The following PCGF3 variants were observed in gnomAD, a reference collection of about 807,000 sequenced individuals.
PCGF3 encodes the protein polycomb group ring finger 3.
Under a neutral mutation model 33.1 loss-of-function variants are expected in PCGF3, and 7 were observed. The ratio of observed to expected loss-of-function variants is 0.21; its 90% CI spans 0.12 to 0.40. The LOEUF is 0.40. PCGF3 is among the 10% of genes least tolerant of loss of function. PCGF3 has a pLI of 1.00. For synonymous variants in PCGF3, 153 were observed against 121.3 expected (o/e 1.26, Z -1.72); for missense variants, 211 against 313.3 (o/e 0.67, Z 2.46).
In PCGF3 at chr4:765,992, C is replaced by G. The variant is rs368736181; in HGVS notation, c.682-40C>G. On this transcript the variant is annotated intron_variant, in intron 10 of 10. Transcript: ENST00000362003. Reference sequence around the variant, plus strand: ...ATGAAGTAGGTCCTTCTCGCCTCCACCCCTGCTAAGCAGGCACTGTGCGTT... The same window carrying G: ...ATGAAGTAGGTCCTTCTCGCCTCCAGCCCTGCTAAGCAGGCACTGTGCGTT... 5.9e-5 allele frequency: 95 copies of G among 1,601,902 alleles called. No individual in the cohort carries two copies. The African/African-American group carries it at 1.1e-3, about 18-fold the overall frequency.
At chr4:717,822 G>A (rs969499466) in intron 1 of PCGF3, among the ~76,000 whole-genome samples, 7 of 152,262 alleles carry the variant, frequency 4.6e-5, no homozygotes, top group African/African-American at 1.7e-4. Flanking sequence ...TGATTGAGGA[G>A]TCCACGCGGC....
chr4:727,230 C>T lies in PCGF3; in HGVS notation c.-189-3400C>T, dbSNP rs185362328. ...TTGAGAGGATGTGTGTGTTAGCGAG[C>T]GTCTTTTTTTTTTTTTTTTTTTTTT... is the stretch of plus-strand genomic sequence containing the variant. On this transcript the variant is annotated intron_variant, in intron 1 of 10. Transcript: ENST00000362003. 4.9e-3 allele frequency among the ~76,000 whole-genome samples: 463 copies of T among 94,824 alleles called. 2 individuals carry two copies. The highest frequency in any genetic ancestry group is 0.013 in the African/African-American group (407 of 31,036). The allele number at this position is 94,824 out of a possible 152,430, so 62.2% of individuals were successfully genotyped here. A position where few individuals can be genotyped will look rare whatever the true frequency, so the allele number is the denominator to read the frequency against.
intron 8 of PCGF3, among the ~76,000 whole-genome samples, chr4:756,782 C>A (rs572736399): frequency 1.7e-4 from 26 of 152,316 alleles, no homozygotes; most frequent in African/African-American, 6.3e-4. Context: ...TAAACACTCA[C>A]TCCCCACCCC....
intron 4 of PCGF3, 119 bp downstream of exon 4, chr4:733,908 C>T: frequency 1.3e-6 from 2 of 1,579,656 alleles, no homozygotes; most frequent in Non-Finnish European, 1.7e-6. Context: ...AAGCAGGAAC[C>T]AGGACCAGGG....
At chr4:722,753 GCGACAT>G (rs1317434476) in intron 1 of PCGF3, among the ~76,000 whole-genome samples, 3,580 of 69,216 alleles carry the variant, frequency 0.052, 927 homozygotes, top group African/African-American at 0.078. Flanking sequence ...GTCCACACTC[GCGACAT>G]CGCCATCCAC....
At position 717,325 on chromosome 4, in the gene PCGF3, C is replaced by T. The variant is rs138918380; in HGVS notation, c.-190+11355C>T. 9.2e-3 allele frequency among the ~76,000 whole-genome samples: 1,399 copies of T among 151,688 alleles called. 22 individuals carry two copies. The highest frequency in any genetic ancestry group is 0.033 in the African/African-American group (1,350 of 41,230). On this transcript the variant is annotated intron_variant, in intron 1 of 10. Transcript: ENST00000362003. ...AGAACTGGGCGTCGGTGCTGGGACC[C>T]TGTAGACACTGAGTGTGAGAACTGG...
chr4:745,098 GC>G (rs201176398), intron 8 of PCGF3, among the ~76,000 whole-genome samples: 1 of 8,634 alleles, frequency 1.2e-4, no homozygotes, highest in African/African-American at 7.1e-4. Context: ...GGTGGGCGGG[GC>G]CCCGGGGTCG....
intron 1 of PCGF3, among the ~76,000 whole-genome samples, chr4:729,306 T>G (rs1183202678): frequency 6.6e-6 from 1 of 151,426 alleles, no homozygotes; most frequent in Admixed American, 6.6e-5. Flanking sequence ...TCCAAGCTAC[T>G]CAGGAGGCTG....
chr4:750,620 G>A (rs1744469363), intron 8 of PCGF3, among the ~76,000 whole-genome samples: 1 of 152,056 alleles, frequency 6.6e-6, no homozygotes, highest in South Asian at 2.1e-4. Flanking sequence ...TCCTATTTGT[G>A]AGGCACTTTG....
intron 8 of PCGF3, among the ~76,000 whole-genome samples, chr4:754,409 G>A (rs1744675528): frequency 6.6e-6 from 1 of 152,238 alleles, no homozygotes; most frequent in Admixed American, 6.5e-5. Context: ...AGTGGGCTCT[G>A]CCTGCAAGGG....
chr4:762,287 A>C, intron 9 of PCGF3: 1 of 203,368 alleles, frequency 4.9e-6, no homozygotes, highest in Non-Finnish European at 8.7e-6. Context: ...AAGACTCGAG[A>C]CAGGAGGCCC....
At chr4:715,648 G>A (rs1159922225) in intron 1 of PCGF3, among the ~76,000 whole-genome samples, 1 of 109,464 alleles carries the variant, frequency 9.1e-6, no homozygotes, top group Admixed American at 8.8e-5. Flanking sequence ...AGAACTGGGC[G>A]TGGGTGCTGG....
intron 3 of PCGF3, among the ~76,000 whole-genome samples, chr4:733,359 CCT>C (rs751433768): frequency 9.2e-5 from 14 of 152,248 alleles, no homozygotes; most frequent in African/African-American, 1.7e-4. Flanking sequence ...GGGGATCCTG[CCT>C]CTCTGCAGCT....
At chr4:748,259 G>A (rs886236293) in intron 8 of PCGF3, among the ~76,000 whole-genome samples, 1 of 151,928 alleles carries the variant, frequency 6.6e-6, no homozygotes, top group Non-Finnish European at 1.5e-5. Context: ...GAATGCGGTG[G>A]CACCATCCCG....
rs974344205 is a variant in PCGF3, at chr4:734,519, A to G, written c.110-412A>G. The G allele has an allele frequency of 1.4e-5, 17 of 1,201,546 alleles. No homozygotes were observed. The African/African-American group carries it at 1.7e-4, about 12-fold the overall frequency. 74.4% of individuals were successfully genotyped at this position (1,201,546 alleles called of 1,614,324 possible). On this transcript the variant is annotated intron_variant, in intron 4 of 10. Coordinates refer to ENST00000362003, the Ensembl canonical transcript of PCGF3. ...TTAATCGTATTTTTAGATATTGGTTAGCATATTTTATGTTAGGTTATTTTC... is the reference window on the plus strand; with the variant it reads ...TTAATCGTATTTTTAGATATTGGTTGGCATATTTTATGTTAGGTTATTTTC...
chr4:722,426 G>C, intron 1 of PCGF3: 1 of 252,804 alleles, frequency 4.0e-6, no homozygotes, highest in Non-Finnish European at 7.8e-6. Flanking sequence ...GAGTGTTTTG[G>C]GGGTGTCTGA....
At chr4:724,353 C>G (rs1446372284) in intron 1 of PCGF3, among the ~76,000 whole-genome samples, 2 of 152,218 alleles carry the variant, frequency 1.3e-5, no homozygotes, top group African/African-American at 2.4e-5. Context: ...TGGGCCACCA[C>G]AGCCGGCCGC....
chr4:767,161 A>C (rs775899364), exon 11 of PCGF3: 2 of 152,330 alleles, frequency 1.3e-5, no homozygotes, highest in African/African-American at 2.4e-5. Flanking sequence ...CAGGGTGAGC[A>C]GCTGAAGGGC....
At chr4:757,366 G>T (rs928640686) in intron 8 of PCGF3, 5 of 152,244 alleles carry the variant, frequency 3.3e-5, no homozygotes, top group Non-Finnish European at 7.3e-5. Flanking sequence ...GGCAGGGTGC[G>T]TCCGCTGCTT....
Sources: gnomAD v4.1 joint callset for allele counts (sites outside exome capture counted in the v4.1 genomes callset) on GRCh38, gnomAD v4.1.1 for gene constraint, MANE v1.5 for transcripts, NCBI Gene and HGNC (gene_info 2026-07-23, HGNC 2026-07-21) for gene names.